The following VAV3 variants were observed in gnomAD, a reference collection of about 807,000 sequenced individuals.
VAV3 encodes the protein vav guanine nucleotide exchange factor 3.
VAV3 carries 94 observed loss-of-function variants against 131.2 expected under a neutral mutation model. The observed-to-expected ratio is 0.72, with a 90% CI of 0.61 to 0.85. VAV3 has a LOEUF of 0.85. VAV3 is among the 40% of genes least tolerant of loss of function. The pLI, the probability that VAV3 is intolerant of heterozygous loss-of-function variation, is 0.00. For missense variants in VAV3, 939 were observed against 1,002.7 expected (o/e 0.94, Z 0.86); for synonymous variants, 349 against 342.0 (o/e 1.02, Z -0.22).
At chr1:107,592,487 A>T (rs1651046910) in intron 25 of VAV3, among the ~76,000 whole-genome samples, 1 of 152,050 alleles carries the variant, frequency 6.6e-6, no homozygotes, top group Non-Finnish European at 1.5e-5. Flanking sequence ...ATAGCCATTT[A>T]AAAAAATTAC....
intron 25 of VAV3, among the ~76,000 whole-genome samples, chr1:107,575,594 C>T (rs552625016): frequency 3.3e-5 from 5 of 152,166 alleles, no homozygotes; most frequent in Non-Finnish European, 7.3e-5. Flanking sequence ...TGTCCCATTA[C>T]TGGGGCACTA....
chr1:107,670,064 A>G (rs1408390729), intron 19 of VAV3, among the ~76,000 whole-genome samples: 1 of 152,258 alleles, frequency 6.6e-6, no homozygotes, highest in Non-Finnish European at 1.5e-5. Flanking sequence ...GTATGTGGGT[A>G]GGGTGAGTAT....
chr1:107,788,642 A>C (rs1290758730), intron 2 of VAV3, among the ~76,000 whole-genome samples: 2 of 152,212 alleles, frequency 1.3e-5, no homozygotes, highest in East Asian at 3.8e-4. Flanking sequence ...AAAGTAGATA[A>C]AACCTGGAAC....
intron 24 of VAV3, among the ~76,000 whole-genome samples, chr1:107,600,614 T>C (rs1336710748): frequency 6.6e-6 from 1 of 152,218 alleles, no homozygotes; most frequent in African/African-American, 2.4e-5. Flanking sequence ...GTAGAAACTT[T>C]TAAGGCTCTC....
At chr1:107,946,269 C>T (rs1425682979) in intron 1 of VAV3, among the ~76,000 whole-genome samples, 2 of 152,012 alleles carry the variant, frequency 1.3e-5, no homozygotes, top group East Asian at 3.9e-4. Flanking sequence ...CTATAAACAC[C>T]CTGCAATAAT....
At chr1:107,619,001 G>GAT (rs1653372502) in intron 20 of VAV3, among the ~76,000 whole-genome samples, 5 of 152,282 alleles carry the variant, frequency 3.3e-5, no homozygotes, top group Middle Eastern at 3.4e-3. Context: ...CAAGGAAACT[G>GAT]ATCCCATGGT....
At chr1:107,705,850 A>G (rs1660417859) in intron 15 of VAV3, among the ~76,000 whole-genome samples, 1 of 152,206 alleles carries the variant, frequency 6.6e-6, no homozygotes, top group Non-Finnish European at 1.5e-5. Context: ...ACCCTTAAAG[A>G]AAACAGCATG....
chr1:107,704,764 G>A (rs2101847397), intron 16 of VAV3, 114 bp from the exon 17 acceptor site: 1 of 998,150 alleles, frequency 1.0e-6, no homozygotes, highest in Non-Finnish European at 1.5e-6. Context: ...GTACCCCCTT[G>A]GTAGAGGGAG....
chr1:107,861,593 C>G (rs1162995552), intron 2 of VAV3, among the ~76,000 whole-genome samples: 2 of 151,576 alleles, frequency 1.3e-5, no homozygotes, highest in East Asian at 3.9e-4. Context: ...ATATCCAATG[C>G]TATCAATCAT....
At chr1:107,697,665 T>TA (rs1659830619) in intron 17 of VAV3, among the ~76,000 whole-genome samples, 1 of 152,186 alleles carries the variant, frequency 6.6e-6, no homozygotes, top group African/African-American at 2.4e-5. Context: ...TTCATATATT[T>TA]ATGACCTTGT....
At chr1:107,719,586 T>C (rs202066700) in intron 15 of VAV3, among the ~76,000 whole-genome samples, 2 of 152,256 alleles carry the variant, frequency 1.3e-5, no homozygotes, top group East Asian at 1.9e-4. Flanking sequence ...TGTGGAGAAA[T>C]AGGAACACTT....
chr1:107,935,296 T>C (rs144844817), intron 1 of VAV3, among the ~76,000 whole-genome samples: 1 of 152,322 alleles, frequency 6.6e-6, no homozygotes, highest in African/African-American at 2.4e-5. Context: ...GAGTTCTTCC[T>C]AAGATAAACC....
At chr1:107,723,488 A>G (rs964328819) in intron 15 of VAV3, among the ~76,000 whole-genome samples, 2 of 106,932 alleles carry the variant, frequency 1.9e-5, no homozygotes, top group Non-Finnish European at 4.1e-5. Flanking sequence ...GTTTTTGCCA[A>G]CATACACCTG....
intron 11 of VAV3, 29 bp downstream of exon 11, chr1:107,757,228 AATAC>A: frequency 6.3e-7 from 1 of 1,595,466 alleles, no homozygotes; most frequent in South Asian, 1.1e-5. Flanking sequence ...AAGAATAAAA[AATAC>A]AAACAAATTA....
At chr1:107,762,696 A>T (rs551420444) in intron 9 of VAV3, among the ~76,000 whole-genome samples, 1 of 152,328 alleles carries the variant, frequency 6.6e-6, no homozygotes, top group East Asian at 1.9e-4. Context: ...ATATTATGGA[A>T]ATTAGTTTCA....
chr1:107,768,532 T>G, intron 6 of VAV3, 23 bp from the exon 7 acceptor site: 6 of 1,584,278 alleles, frequency 3.8e-6, no homozygotes, highest in Non-Finnish European at 5.2e-6. Flanking sequence ...AAGAAGAAAA[T>G]AGTAATTAAG....
At chr1:107,775,981 G>A (rs920175854) in intron 4 of VAV3, among the ~76,000 whole-genome samples, 1 of 152,136 alleles carries the variant, frequency 6.6e-6, no homozygotes, top group African/African-American at 2.4e-5. Flanking sequence ...CAAATCCAAA[G>A]ACTACAATTT....
At chr1:107,619,005 C>A (rs1653372980) in intron 20 of VAV3, among the ~76,000 whole-genome samples, 5 of 152,092 alleles carry the variant, frequency 3.3e-5, no homozygotes, top group Middle Eastern at 3.4e-3. Flanking sequence ...GAAACTGATC[C>A]CATGGTAAGG....
intron 8 of VAV3, among the ~76,000 whole-genome samples, 199 bp downstream of exon 8, chr1:107,766,248 T>C (rs576018407): frequency 1.2e-4 from 18 of 152,058 alleles, no homozygotes; most frequent in African/African-American, 2.2e-4. Context: ...CCCTCCTCCT[T>C]CTTCTTCTTC....
Sources: allele counts gnomAD v4.1 joint callset (sites outside exome capture counted in the v4.1 genomes callset), GRCh38; gene constraint gnomAD v4.1.1; transcripts MANE v1.5; gene names NCBI Gene and HGNC (gene_info 2026-07-23, HGNC 2026-07-21).